Variants in BCL11B observed in about 807,000 individuals in gnomAD.
BCL11B encodes BCL11 transcription factor B, also known as B-cell lymphoma/leukemia 11B.
In BCL11B, 8 loss-of-function variants were observed where a neutral mutation model predicts 49.9. The ratio of observed to expected loss-of-function variants is 0.16; its 90% CI spans 0.09 to 0.29. The LOEUF (loss-of-function observed/expected upper bound fraction) is 0.29. Among genes scored for constraint, BCL11B ranks in the 10% least tolerant of loss-of-function variants. The pLI, the probability that BCL11B is intolerant of heterozygous loss-of-function variation, is 1.00. For synonymous variants in BCL11B, 739 were observed against 637.4 expected (o/e 1.16, Z -2.40); for missense variants, 1,006 against 1,351.0 (o/e 0.74, Z 4.00).
Position 99,206,923 on chromosome 14 carries a change from G to A in BCL11B, c.640+24422C>T, listed in dbSNP as rs996499651. ...GACCACTTGGCCCACGAACCCTAAA[G>A]TACTTCACTATCTGGTATTTATCAT... On this transcript the variant is annotated intron_variant, in intron 3 of 3. Coordinates refer to ENST00000357195, the MANE Select transcript of BCL11B (RefSeq NM_138576.4). 2.0e-5 allele frequency among the ~76,000 whole-genome samples: 3 copies of A among 152,120 alleles called. No homozygotes were observed. In the South Asian group the frequency reaches 6.2e-4, roughly 32 times the overall value.
At chr14:99,269,121 T>C (rs900277821) in intron 1 of BCL11B, among the ~76,000 whole-genome samples, 3 of 152,044 alleles carry the variant, frequency 2.0e-5, no homozygotes, top group Admixed American at 2.0e-4. Context: ...TGCTGCCAGC[T>C]TGGCAGTGCA....
At chr14:99,181,444 G>A (rs1016686538) in intron 3 of BCL11B, among the ~76,000 whole-genome samples, 1 of 152,204 alleles carries the variant, frequency 6.6e-6, no homozygotes, top group Non-Finnish European at 1.5e-5. Flanking sequence ...GCCAGAAAGG[G>A]GCAGGCCACG....
intron 3 of BCL11B, among the ~76,000 whole-genome samples, chr14:99,217,853 T>C (rs1364509390): frequency 3.9e-5 from 6 of 152,140 alleles, no homozygotes; most frequent in African/African-American, 1.4e-4. Context: ...CTTGGTGACA[T>C]CATCACATGC....
intron 3 of BCL11B, among the ~76,000 whole-genome samples, chr14:99,199,689 C>T (rs1352216379): frequency 2.8e-3 from 169 of 60,140 alleles, no homozygotes; most frequent in Middle Eastern, 8.6e-3. Context: ...TGTGTGCGCG[C>T]GCGCGCGCAC....
intron 2 of BCL11B, among the ~76,000 whole-genome samples, chr14:99,253,685 T>C (rs1595077111): frequency 6.6e-6 from 1 of 151,876 alleles, no homozygotes; most frequent in Non-Finnish European, 1.5e-5. Flanking sequence ...CCCTTTCTCC[T>C]CACCCCTCCT....
intron 3 of BCL11B, among the ~76,000 whole-genome samples, chr14:99,185,422 G>T (rs903075915): frequency 2.0e-5 from 3 of 146,506 alleles, no homozygotes; most frequent in African/African-American, 7.7e-5. Context: ...GGGTGACAAA[G>T]TGAGACTCTG....
In BCL11B at chr14:99,174,147, G is replaced by C. The variant is rs760505351; in HGVS notation, c.*4C>G. 1 of 1,610,826 alleles carries C rather than the reference G, an allele frequency of 6.2e-7. No homozygotes were observed. Among genetic ancestry groups the C allele is most frequent in the African/African-American group, 1.3e-5 (1 of 74,930 alleles). On this transcript the variant is annotated 3_prime_UTR_variant, in exon 4 of 4. Transcript: ENST00000357195. ...ACAGGTGCGGGGCGCCGGGGCCCGC[G>C]CGCTTAGCTCCTCTCGGCCTGCTCG...
At position 99,172,621 on chromosome 14, in the gene BCL11B, G is replaced by A. The variant is rs912459283; in HGVS notation, c.*1530C>T. 1 of 213,064 alleles carries A rather than the reference G, an allele frequency of 4.7e-6. No individual in the cohort carries two copies. Among genetic ancestry groups the A allele is most frequent in the African/African-American group, 2.3e-5 (1 of 44,126 alleles). The allele number at this position is 213,064 out of a possible 1,614,324, so 13.2% of individuals were successfully genotyped here. ...TTATTATTTTATTTTGTTCTTTATA[G>A]TGCCAGTATTGTGAATGCCACGCTT... On this transcript the variant is annotated 3_prime_UTR_variant, in exon 4 of 4. Coordinates refer to ENST00000357195, the MANE Select transcript of BCL11B (RefSeq NM_138576.4).
intron 3 of BCL11B, among the ~76,000 whole-genome samples, chr14:99,214,515 G>C (rs1887774636): frequency 6.6e-6 from 1 of 150,640 alleles, no homozygotes; most frequent in East Asian, 2.0e-4. Flanking sequence ...CTATGATCAC[G>C]CCACTGCACT....
intron 3 of BCL11B, among the ~76,000 whole-genome samples, chr14:99,190,361 C>A (rs967578249): frequency 6.6e-6 from 1 of 152,214 alleles, no homozygotes; most frequent in African/African-American, 2.4e-5. Flanking sequence ...TGGTGGCATG[C>A]GCCTGTAGTC....
chr14:99,256,785 C>T (rs1209166235), intron 2 of BCL11B, among the ~76,000 whole-genome samples: 1 of 152,162 alleles, frequency 6.6e-6, no homozygotes, highest in African/African-American at 2.4e-5. Context: ...GTGAGCATGT[C>T]AAAGGGCATA....
chr14:99,267,094 C>A (rs1424259971), intron 1 of BCL11B, among the ~76,000 whole-genome samples: 1 of 152,130 alleles, frequency 6.6e-6, no homozygotes, highest in African/African-American at 2.4e-5. Flanking sequence ...ACACTGGTCA[C>A]TGACACAACA....
At chr14:99,227,878 T>C (rs1054897676) in intron 3 of BCL11B, among the ~76,000 whole-genome samples, 1 of 151,868 alleles carries the variant, frequency 6.6e-6, no homozygotes, top group Admixed American at 6.6e-5. Context: ...AGCCCCACCT[T>C]CCTTCAGCAG....
chr14:99,259,288 T>G, intron 1 of BCL11B, among the ~76,000 whole-genome samples: 1 of 152,088 alleles, frequency 6.6e-6, no homozygotes, highest in Admixed American at 6.5e-5. Context: ...GGCAGTGAAG[T>G]TATTGAAGTG....
chr14:99,236,425 A>G (rs992877026), intron 2 of BCL11B, among the ~76,000 whole-genome samples: 3 of 152,078 alleles, frequency 2.0e-5, no homozygotes, highest in Non-Finnish European at 4.4e-5. Flanking sequence ...TCCCACCCCA[A>G]CGGGAAATTA....
rs757221112 is a variant in BCL11B, at chr14:99,174,637, T to A, written c.2199A>T (p.Arg733=). 9 of 1,572,376 alleles carry A rather than the reference T, an allele frequency of 5.7e-6. No individual in the cohort carries two copies. Among genetic ancestry groups the A allele is most frequent in the Non-Finnish European group, 6.0e-6 (7 of 1,163,316 alleles). ...CGGACGACGTGGCGAAGGGCGACTG[T>A]CGTGCGTCCGTGAAGCCCAGGAAGG... ...KDPFLGFTDA[R]QSPFATSSEH... The change falls in exon 4 of 4, where the codon CGA becomes CGT. Residue 733 remains arginine, a synonymous_variant. Transcript: ENST00000357195.
chr14:99,226,606 C>T (rs141981307), intron 3 of BCL11B, among the ~76,000 whole-genome samples: 1 of 152,328 alleles, frequency 6.6e-6, no homozygotes, highest in Non-Finnish European at 1.5e-5. Context: ...AAGCACAGAC[C>T]ATATCATTAA....
At position 99,170,363 on chromosome 14, in the gene BCL11B, A is replaced by G. The variant is rs1566789737; in HGVS notation, c.*3788T>C. 5 of 223,340 alleles carry G rather than the reference A, an allele frequency of 2.2e-5. No individual in the cohort carries two copies. The South Asian group carries it at 7.3e-4, about 33-fold the overall frequency. The allele number at this position is 223,340 out of a possible 1,614,324, so 13.8% of individuals were successfully genotyped here. A position where few individuals can be genotyped will look rare whatever the true frequency, so the allele number is the denominator to read the frequency against. On this transcript the variant is annotated 3_prime_UTR_variant, in exon 4 of 4. Coordinates refer to ENST00000357195, the MANE Select transcript of BCL11B (RefSeq NM_138576.4). ...GAATTGCCCAAAAGGATGCTTGGTT[A>G]TACTTTCATAACCTGAAATAATGGT...
intron 2 of BCL11B, among the ~76,000 whole-genome samples, chr14:99,238,584 C>G (rs1178522192): frequency 6.6e-6 from 1 of 152,140 alleles, no homozygotes; most frequent in Non-Finnish European, 1.5e-5. Flanking sequence ...CTGTGAACCA[C>G]GGAGGTGGAG....
Sources: gnomAD v4.1 joint callset for allele counts (sites outside exome capture counted in the v4.1 genomes callset) on GRCh38, gnomAD v4.1.1 for gene constraint, MANE v1.5 for transcripts, NCBI Gene and HGNC (gene_info 2026-07-23, HGNC 2026-07-21) for gene names.